Variants in ADGRB3 observed in about 807,000 individuals in gnomAD.
ADGRB3 encodes the protein brain-specific angiogenesis inhibitor 3.
A neutral mutation model predicts 193.4 loss-of-function variants in ADGRB3; 37 were observed. That is an observed-to-expected ratio of 0.19 (90% CI 0.15 to 0.25). The LOEUF (loss-of-function observed/expected upper bound fraction) is 0.25. Among genes scored for constraint, ADGRB3 ranks in the 10% least tolerant of loss-of-function variants. ADGRB3 has a pLI of 1.00. For missense variants in ADGRB3, 1,637 were observed against 1,852.9 expected, an observed-to-expected ratio of 0.88 and a Z score of 2.14; for synonymous variants, 690 against 644.2, an observed-to-expected ratio of 1.07 and a Z score of -1.08.
intron 20 of ADGRB3, among the ~76,000 whole-genome samples, chr6:69,305,748 C>T (rs770091977): frequency 6.6e-6 from 1 of 151,234 alleles, no homozygotes; most frequent in East Asian, 2.0e-4. Context: ...CTTTTTGTGA[C>T]CACAGAGCCT....
intron 3 of ADGRB3, among the ~76,000 whole-genome samples, chr6:68,677,984 A>T (rs1054841735): frequency 1.3e-5 from 2 of 152,160 alleles, no homozygotes; most frequent in Non-Finnish European, 2.9e-5. Flanking sequence ...ATCACCCTGT[A>T]AAAATAACCA....
At chr6:68,685,042 CAT>C (rs1764958699) in intron 3 of ADGRB3, among the ~76,000 whole-genome samples, 1 of 152,060 alleles carries the variant, frequency 6.6e-6, no homozygotes, top group Non-Finnish European at 1.5e-5. Context: ...AAGTTTTCAA[CAT>C]ATTTAAACAT....
At chr6:69,037,289 C>T (rs936633839) in intron 13 of ADGRB3, among the ~76,000 whole-genome samples, 13 of 152,144 alleles carry the variant, frequency 8.5e-5, no homozygotes, top group African/African-American at 2.9e-4. Context: ...ATTAAAGAAT[C>T]TCAATATTGG....
At chr6:69,128,418 A>C (rs1297000831) in intron 17 of ADGRB3, among the ~76,000 whole-genome samples, 2 of 152,114 alleles carry the variant, frequency 1.3e-5, no homozygotes, top group Non-Finnish European at 1.5e-5. Flanking sequence ...TGTGACTTGA[A>C]GACAATTATT....
intron 13 of ADGRB3, among the ~76,000 whole-genome samples, chr6:69,030,954 T>TTTTTTCTTTTCTTTTCTTTTCTTTTC (rs149824624): frequency 8.0e-5 from 2 of 24,928 alleles, no homozygotes; most frequent in African/African-American, 2.6e-4. Flanking sequence ...TTTTCTTTTC[T>TTTTTTCTTTTCTTTTCTTTTCTTTTC]TTTTTTCTTT....
chr6:68,808,052 G>T (rs1767440981), intron 3 of ADGRB3, among the ~76,000 whole-genome samples: 1 of 151,946 alleles, frequency 6.6e-6, no homozygotes, highest in Non-Finnish European at 1.5e-5. Context: ...TAGTTCAATA[G>T]GAATATTTCC....
At chr6:68,912,531 A>C (rs1202013451) in intron 3 of ADGRB3, among the ~76,000 whole-genome samples, 1 of 151,834 alleles carries the variant, frequency 6.6e-6, no homozygotes, top group African/African-American at 2.4e-5. Context: ...CCTCCACCCC[A>C]CAACAGTCCC....
chr6:69,051,146 A>G (rs185727678), intron 15 of ADGRB3, among the ~76,000 whole-genome samples: 1 of 152,278 alleles, frequency 6.6e-6, no homozygotes, highest in African/African-American at 2.4e-5. Context: ...TGACAGAGGC[A>G]GTTTGTCTCT....
intron 3 of ADGRB3, among the ~76,000 whole-genome samples, chr6:68,868,025 G>T (rs1326897012): frequency 6.6e-6 from 1 of 152,106 alleles, no homozygotes; most frequent in Non-Finnish European, 1.5e-5. Context: ...AGACTATAAG[G>T]GACTGTTGGG....
chr6:68,853,744 CAA>C (rs553579424), intron 3 of ADGRB3, among the ~76,000 whole-genome samples: 1 of 148,096 alleles, frequency 6.8e-6, no homozygotes, highest in Non-Finnish European at 1.5e-5. Flanking sequence ...CTCAGACTTG[CAA>C]AAAAAAAGTA....
rs116455567 is a variant in ADGRB3, at chr6:69,111,544, G to A, written c.2480+35506G>A. On this transcript the variant is annotated intron_variant, in intron 17 of 31. Coordinates refer to ENST00000370598, the MANE Select transcript of ADGRB3 (RefSeq NM_001704.3). ...CCTCATAGAGAAACAGAACAAAAGC[G>A]TGTCCTTGGTGACATTATGGAATTT... Among the ~76,000 whole-genome samples, 272 of 152,272 alleles carry A rather than the reference G, an allele frequency of 1.8e-3. 2 individuals are homozygous for A. The highest frequency in any genetic ancestry group is 6.3e-3 in the African/African-American group (262 of 41,558).
intron 20 of ADGRB3, among the ~76,000 whole-genome samples, chr6:69,255,963 C>G (rs991487674): frequency 6.6e-6 from 1 of 152,052 alleles, no homozygotes; most frequent in East Asian, 1.9e-4. Context: ...ATAGGGAATC[C>G]TTTCCCCATT....
intron 3 of ADGRB3, among the ~76,000 whole-genome samples, chr6:68,712,465 A>C (rs1381475481): frequency 6.6e-6 from 1 of 152,090 alleles, no homozygotes; most frequent in African/African-American, 2.4e-5. Flanking sequence ...CAAAATCACT[A>C]GAAATCTATA....
chr6:69,339,660 CA>C (rs1342099297), intron 26 of ADGRB3, among the ~76,000 whole-genome samples, 156 bp downstream of exon 26: 1 of 152,156 alleles, frequency 6.6e-6, no homozygotes, highest in Non-Finnish European at 1.5e-5. Flanking sequence ...CTTTAAGACA[CA>C]GCTTGGGAGA....
rs35091867 is a variant in ADGRB3, at chr6:68,736,181, TAA to T, written c.757+96763_757+96764del. Among the ~76,000 whole-genome samples the T allele has an allele frequency of 9.8e-3, 1,430 of 145,918 alleles. 9 individuals are homozygous for T. Among genetic ancestry groups the T allele is most frequent in the African/African-American group, 0.02 (794 of 39,926 alleles). Reference sequence around the variant, plus strand: ...GCACTTGCCAACATGACTGGCTAATTAAAAAAAAAAAAAAATTTATAGAGATA... The same window carrying T: ...GCACTTGCCAACATGACTGGCTAATTAAAAAAAAAAAAATTTATAGAGATA... On this transcript the variant is annotated intron_variant, in intron 3 of 31. Transcript: ENST00000370598.
At chr6:69,011,379 A>G (rs935297322) in intron 11 of ADGRB3, among the ~76,000 whole-genome samples, 5 of 152,054 alleles carry the variant, frequency 3.3e-5, no homozygotes, top group African/African-American at 1.2e-4. Context: ...GCAGGAACAG[A>G]AAACCAAATA....
chr6:68,813,898 A>G (rs1767571452), intron 3 of ADGRB3, among the ~76,000 whole-genome samples: 1 of 152,048 alleles, frequency 6.6e-6, no homozygotes, highest in Non-Finnish European at 1.5e-5. Flanking sequence ...ATCCTTTTTT[A>G]TGGCTGCATA....
chr6:68,704,843 A>C (rs139127583), intron 3 of ADGRB3, among the ~76,000 whole-genome samples: 100 of 152,356 alleles, frequency 6.6e-4, no homozygotes, highest in Non-Finnish European at 1.2e-3. Context: ...TGAAACAAAC[A>C]GTCTTTGAAA....
intron 16 of ADGRB3, among the ~76,000 whole-genome samples, chr6:69,075,701 G>A (rs182048877): frequency 4.0e-4 from 61 of 152,158 alleles, no homozygotes; most frequent in South Asian, 6.2e-4. Flanking sequence ...AATCAAAATC[G>A]TCAAAATATG....
Sources: gnomAD v4.1 joint callset for allele counts (sites outside exome capture counted in the v4.1 genomes callset) on GRCh38, gnomAD v4.1.1 for gene constraint, MANE v1.5 for transcripts, NCBI Gene and HGNC (gene_info 2026-07-23, HGNC 2026-07-21) for gene names.